Variants in ASIC2 observed in about 807,000 individuals in gnomAD.
The protein encoded by ASIC2 is acid-sensing ion channel 2.
ASIC2 carries 25 observed loss-of-function variants against 57.3 expected under a neutral mutation model. That is an observed-to-expected ratio of 0.44 (90% CI 0.32 to 0.61). ASIC2 has a LOEUF of 0.61. ASIC2 is among the 20% of genes least tolerant of loss of function. The probability of loss-of-function intolerance (pLI) is 0.06; values close to 1 mark genes in which losing one functional copy is unlikely to be tolerated. For synonymous variants in ASIC2, 319 were observed against 307.5 expected (o/e 1.04, Z -0.39); for missense variants, 641 against 738.1 (o/e 0.87, Z 1.52).
intron 1 of ASIC2, among the ~76,000 whole-genome samples, chr17:33,346,552 G>A (rs1907958022): frequency 6.6e-6 from 1 of 152,192 alleles, no homozygotes; most frequent in African/African-American, 2.4e-5. Flanking sequence ...ATGTGCCTGT[G>A]TGGTAGAAAC....
At position 33,576,393 on chromosome 17, in the gene ASIC2, G is replaced by C. The variant is rs1272269348; in HGVS notation, c.556-464326C>G. ...AGGTATAGATGTGACTAGGTATGGG[G>C]AGCCCCTAGTATGTTGCCTAGCACA... On this transcript the variant is annotated intron_variant, in intron 1 of 9. Transcript: ENST00000359872. Among the ~76,000 whole-genome samples the C allele has an allele frequency of 5.9e-5, 9 of 152,282 alleles. No homozygotes were observed. In the East Asian group the frequency reaches 1.7e-3, roughly 29 times the overall value.
chr17:33,762,082 C>A (rs889898978), intron 1 of ASIC2, among the ~76,000 whole-genome samples: 1 of 152,142 alleles, frequency 6.6e-6, no homozygotes, highest in African/African-American at 2.4e-5. Context: ...GCCATTTGAT[C>A]TTGCAAATGC....
chr17:33,395,198 A>G (rs546733735), intron 1 of ASIC2, among the ~76,000 whole-genome samples: 1 of 148,066 alleles, frequency 6.8e-6, no homozygotes, highest in African/African-American at 2.5e-5. Context: ...CAACCTATCC[A>G]TTCATCCATC....
chr17:33,440,393 A>G (rs1429886148), intron 1 of ASIC2, among the ~76,000 whole-genome samples: 1 of 152,260 alleles, frequency 6.6e-6, no homozygotes, highest in Non-Finnish European at 1.5e-5. Context: ...GATTATTTCC[A>G]CATTTTGATT....
At chr17:34,035,119 T>C (rs9747097) in intron 1 of ASIC2, among the ~76,000 whole-genome samples, 1 of 149,022 alleles carries the variant, frequency 6.7e-6, no homozygotes, top group African/African-American at 2.6e-5. Context: ...ATACTACAAG[T>C]CTACAGTAAC....
At chr17:33,090,130 C>G (rs2092151736) in intron 2 of ASIC2, among the ~76,000 whole-genome samples, 1 of 152,226 alleles carries the variant, frequency 6.6e-6, no homozygotes, top group Non-Finnish European at 1.5e-5. Context: ...TTGGGCATCA[C>G]TGGTACCCAC....
chr17:34,096,538 T>C (rs532102533), intron 1 of ASIC2, among the ~76,000 whole-genome samples: 3 of 152,086 alleles, frequency 2.0e-5, no homozygotes, highest in South Asian at 4.2e-4. Context: ...AAAAATCCCA[T>C]TGATCATAGT....
At chr17:33,177,189 G>T (rs899698738) in intron 1 of ASIC2, among the ~76,000 whole-genome samples, 1 of 152,174 alleles carries the variant, frequency 6.6e-6, no homozygotes, top group African/African-American at 2.4e-5. Context: ...CTTGCAGAGG[G>T]ATCCCCTGTG....
At chr17:33,133,126 G>C (rs912146306) in intron 1 of ASIC2, among the ~76,000 whole-genome samples, 1 of 152,224 alleles carries the variant, frequency 6.6e-6, no homozygotes, top group South Asian at 2.1e-4. Context: ...TGGGCTGAGC[G>C]ATCAGCTCTC....
In ASIC2 at chr17:34,155,918, C is replaced by A. The variant is rs140360436; in HGVS notation, c.555+60G>T. ...AGGAAACCCCAAACCAAGCAGGAGA[C>A]CACCGGCGCACCACTTCTCCAGAGG... is the stretch of plus-strand genomic sequence containing the variant. On this transcript the variant is annotated intron_variant, in intron 1 of 9. Coordinates refer to the ASIC2 transcript ENST00000359872. 5.4e-5 allele frequency: 83 copies of A among 1,531,404 alleles called. 2 individuals are homozygous for A. The East Asian group carries it at 1.9e-3, about 34-fold the overall frequency. 94.9% of individuals were successfully genotyped at this position (1,531,404 alleles called of 1,614,324 possible). A position where few individuals can be genotyped will look rare whatever the true frequency, so the allele number is the denominator to read the frequency against.
At chr17:33,279,538 GA>G (rs1904851716) in intron 1 of ASIC2, among the ~76,000 whole-genome samples, 1 of 152,166 alleles carries the variant, frequency 6.6e-6, no homozygotes, top group Non-Finnish European at 1.5e-5. Flanking sequence ...AAAATTCTTG[GA>G]ACGTGGAGCA....
At chr17:33,900,096 G>A (rs1309200907) in intron 1 of ASIC2, among the ~76,000 whole-genome samples, 1 of 152,170 alleles carries the variant, frequency 6.6e-6, no homozygotes, top group East Asian at 1.9e-4. Context: ...GTGACACATG[G>A]TAACCGCACA....
chr17:33,929,140 C>T (rs7219096), intron 1 of ASIC2, among the ~76,000 whole-genome samples: 42,606 of 151,972 alleles, frequency 0.28, 6,751 homozygotes, highest in Admixed American at 0.37. Flanking sequence ...CTCAGACCCC[C>T]CATTGGATGG....
chr17:33,879,838 T>C (rs939676212), intron 1 of ASIC2, among the ~76,000 whole-genome samples: 4 of 152,188 alleles, frequency 2.6e-5, no homozygotes, highest in African/African-American at 9.7e-5. Context: ...ATTCCAAAAC[T>C]GACCACATAG....
intron 1 of ASIC2, among the ~76,000 whole-genome samples, chr17:33,155,274 C>A (rs924658366): frequency 6.6e-6 from 1 of 152,264 alleles, no homozygotes; most frequent in African/African-American, 2.4e-5. Context: ...CTGATTCAAG[C>A]GCCGGGTGGG....
chr17:33,586,685 G>A (rs1256339816), intron 1 of ASIC2, among the ~76,000 whole-genome samples: 2 of 152,104 alleles, frequency 1.3e-5, no homozygotes, highest in Non-Finnish European at 2.9e-5. Context: ...CATGTAGTAA[G>A]TTCTTTCTTA....
At chr17:33,690,743 G>GTTTTTTT (rs527881591) in intron 1 of ASIC2, among the ~76,000 whole-genome samples, 18 of 81,674 alleles carry the variant, frequency 2.2e-4, no homozygotes, top group Admixed American at 3.3e-4. Context: ...ACTCTTCATT[G>GTTTTTTT]TTTTTTTTTT....
intron 1 of ASIC2, among the ~76,000 whole-genome samples, chr17:33,604,048 G>A (rs1905169724): frequency 6.6e-6 from 1 of 152,154 alleles, no homozygotes; most frequent in African/African-American, 2.4e-5. Context: ...GCTGCAAGGC[G>A]GCCTAGAAAA....
intron 1 of ASIC2, among the ~76,000 whole-genome samples, chr17:33,566,076 C>A (rs1597787360): frequency 6.6e-6 from 1 of 152,218 alleles, no homozygotes; most frequent in African/African-American, 2.4e-5. Flanking sequence ...GTGCGCTAAG[C>A]CCTCCTCACT....
Sources: allele counts gnomAD v4.1 joint callset (sites outside exome capture counted in the v4.1 genomes callset), GRCh38; gene constraint gnomAD v4.1.1; transcripts MANE v1.5; gene names NCBI Gene and HGNC (gene_info 2026-07-23, HGNC 2026-07-21).